The following PRR16 variants were observed in gnomAD, a reference collection of about 807,000 sequenced individuals.
PRR16 encodes the protein proline rich 16.
A neutral mutation model predicts 18.2 loss-of-function variants in PRR16; 6 were observed. The observed-to-expected ratio is 0.33, with a 90% confidence interval of 0.18 to 0.65. PRR16 has a LOEUF of 0.65. Among genes scored for constraint, PRR16 ranks in the 30% least tolerant of loss-of-function variants. The pLI is 0.74. For missense variants in PRR16, 412 were observed against 376.6 expected, an observed-to-expected ratio of 1.09 and a Z score of -0.78; for synonymous variants, 151 against 147.8, an observed-to-expected ratio of 1.02 and a Z score of -0.16.
the PRR16 span, among the ~76,000 whole-genome samples, chr5:120,784,539 C>G: frequency 6.6e-6 from 1 of 152,072 alleles, no homozygotes; most frequent in African/African-American, 2.4e-5. Context: ...AACTATTCAA[C>G]TCACAATAAT....
At chr5:120,770,250 A>G in the PRR16 span, among the ~76,000 whole-genome samples, 1 of 151,888 alleles carries the variant, frequency 6.6e-6, no homozygotes, top group South Asian at 2.1e-4. Flanking sequence ...AGACAAACAC[A>G]TAAGCCAGTA....
At chr5:120,648,641 A>G (rs1354742669) in intron 1 of PRR16, among the ~76,000 whole-genome samples, 1 of 152,178 alleles carries the variant, frequency 6.6e-6, no homozygotes, top group African/African-American at 2.4e-5. Flanking sequence ...CCCAAAACAA[A>G]TATCTTTAAA....
chr5:120,655,022 T>C (rs1755918611), intron 1 of PRR16, among the ~76,000 whole-genome samples: 1 of 151,922 alleles, frequency 6.6e-6, no homozygotes, highest in Admixed American at 6.6e-5. Flanking sequence ...GAAGTATTCA[T>C]ATATGCATTC....
the PRR16 span, among the ~76,000 whole-genome samples, chr5:120,725,584 G>A: frequency 6.6e-6 from 1 of 151,970 alleles, no homozygotes; most frequent in Non-Finnish European, 1.5e-5. Context: ...AACTGAGGCA[G>A]AAGGATTGCT....
intron 1 of PRR16, among the ~76,000 whole-genome samples, chr5:120,674,232 A>G (rs914025727): frequency 6.6e-6 from 1 of 152,060 alleles, no homozygotes; most frequent in Non-Finnish European, 1.5e-5. Flanking sequence ...ATGCCGCTGT[A>G]TATGCTGTTG....
chr5:120,677,873 G>T (rs1043428904), intron 1 of PRR16, among the ~76,000 whole-genome samples: 5 of 150,152 alleles, frequency 3.3e-5, no homozygotes, highest in Non-Finnish European at 7.4e-5. Flanking sequence ...AGTTGTTTTG[G>T]AATTGGACTA....
the PRR16 span, among the ~76,000 whole-genome samples, chr5:120,777,329 TTAAC>T: frequency 6.6e-6 from 1 of 152,124 alleles, no homozygotes; most frequent in Non-Finnish European, 1.5e-5. Flanking sequence ...CGCTTATTAC[TTAAC>T]TTTTTCTAAA....
chr5:120,473,997 C>A (rs961533269), intron 1 of PRR16, among the ~76,000 whole-genome samples: 12 of 152,142 alleles, frequency 7.9e-5, no homozygotes, highest in Middle Eastern at 6.8e-3. Flanking sequence ...GAGCATTTTC[C>A]CAAGTAGGGA....
intron 1 of PRR16, among the ~76,000 whole-genome samples, chr5:120,555,277 T>G (rs1752372535): frequency 6.6e-6 from 1 of 151,920 alleles, no homozygotes; most frequent in South Asian, 2.1e-4. Flanking sequence ...TTGAAAAGAA[T>G]CGAGCACTGT....
chr5:120,530,846 A>G (rs1391741765), intron 1 of PRR16, among the ~76,000 whole-genome samples: 4 of 152,162 alleles, frequency 2.6e-5, no homozygotes, highest in Non-Finnish European at 5.9e-5. Context: ...CTAAGCCAGG[A>G]AGCTTAAGAC....
At chr5:120,690,662 T>A (rs889448826), downstream of PRR16, among the ~76,000 whole-genome samples, 7 of 152,328 alleles carry the variant, frequency 4.6e-5, no homozygotes, top group African/African-American at 1.7e-4. Context: ...TGTGACAAGT[T>A]TAAATGTTTA....
At position 120,575,322 on chromosome 5, in the gene PRR16, C is replaced by T. The variant is rs1053761249; in HGVS notation, c.160-110632C>T. Among the ~76,000 whole-genome samples the T allele has an allele frequency of 4.7e-5, 7 of 148,454 alleles. No homozygotes were observed. In the South Asian group the frequency reaches 1.1e-3, roughly 23 times the overall value. On this transcript the variant is annotated intron_variant, in intron 1 of 1. Coordinates refer to ENST00000407149, the MANE Select transcript of PRR16 (RefSeq NM_001300783.2). The stretch of plus-strand genomic sequence containing the variant: ...GATTACAAAACCAGACAAGGAAACA[C>T]ACACACACACACACACACACACACA...
At chr5:120,628,015 A>G (rs535386533) in intron 1 of PRR16, among the ~76,000 whole-genome samples, 1 of 152,006 alleles carries the variant, frequency 6.6e-6, no homozygotes, top group Non-Finnish European at 1.5e-5. Flanking sequence ...ACTCTGGTGA[A>G]TGTATTGCTT....
At chr5:120,768,308 A>G in the PRR16 span, among the ~76,000 whole-genome samples, 2 of 151,856 alleles carry the variant, frequency 1.3e-5, no homozygotes. Context: ...AAACAGTGCT[A>G]GCTATTGTAA....
chr5:120,536,008 A>G (rs1420249265), intron 1 of PRR16, among the ~76,000 whole-genome samples: 1 of 152,200 alleles, frequency 6.6e-6, no homozygotes, highest in Non-Finnish European at 1.5e-5. Flanking sequence ...TAGTCTATAG[A>G]CCTTTGCCGA....
the PRR16 span, among the ~76,000 whole-genome samples, chr5:120,706,826 G>T: frequency 6.6e-6 from 1 of 152,144 alleles, no homozygotes; most frequent in Non-Finnish European, 1.5e-5. Context: ...AAAAAGGCAG[G>T]CTGTTTTTGC....
At chr5:120,627,726 T>TA (rs1754913024) in intron 1 of PRR16, among the ~76,000 whole-genome samples, 1 of 152,100 alleles carries the variant, frequency 6.6e-6, no homozygotes, top group Non-Finnish European at 1.5e-5. Flanking sequence ...ACAAAAGGTG[T>TA]AATTAGGCTC....
the PRR16 span, among the ~76,000 whole-genome samples, chr5:120,723,778 A>G: frequency 6.6e-6 from 1 of 151,890 alleles, no homozygotes; most frequent in Non-Finnish European, 1.5e-5. Context: ...TATGCATTAC[A>G]TATTTATTTA....
chr5:120,672,505 T>C (rs1461392924), intron 1 of PRR16, among the ~76,000 whole-genome samples: 1 of 146,146 alleles, frequency 6.8e-6, no homozygotes, highest in Admixed American at 7.0e-5. Context: ...TGCAAATTAA[T>C]TAAAGGCTTT....
Sources: allele counts gnomAD v4.1 joint callset (sites outside exome capture counted in the v4.1 genomes callset), GRCh38; gene constraint gnomAD v4.1.1; transcripts MANE v1.5; gene names NCBI Gene and HGNC (gene_info 2026-07-23, HGNC 2026-07-21).